The following MED13L variants were observed in gnomAD, a reference collection of about 807,000 sequenced individuals.
MED13L encodes mediator complex subunit 13L.
Under a neutral mutation model 220.9 loss-of-function variants are expected in MED13L, and 7 were observed. That is an observed-to-expected ratio of 0.03 (90% confidence interval 0.02 to 0.06). MED13L has a LOEUF of 0.06. Ranked by LOEUF, MED13L falls within the 10% of genes least tolerant of loss-of-function variation. The pLI, the probability that MED13L is intolerant of heterozygous loss-of-function variation, is 1.00. For synonymous variants in MED13L, 1,011 were observed against 1,015.2 expected, an observed-to-expected ratio of 1.00 and a Z score of 0.08; for missense variants, 1,965 against 2,760.5, an observed-to-expected ratio of 0.71 and a Z score of 6.46.
intron 4 of MED13L, among the ~76,000 whole-genome samples, chr12:116,073,942 A>G (rs1870583385): frequency 6.6e-6 from 1 of 152,214 alleles, no homozygotes; most frequent in Admixed American, 6.5e-5. Flanking sequence ...GAAGAATAAG[A>G]TGTATCACTG....
intron 2 of MED13L, among the ~76,000 whole-genome samples, chr12:116,183,907 T>G (rs1880710841): frequency 6.6e-6 from 1 of 152,026 alleles, no homozygotes; most frequent in African/African-American, 2.4e-5. Flanking sequence ...AATAGATGAC[T>G]GTCTTTGAGA....
intron 4 of MED13L, among the ~76,000 whole-genome samples, chr12:116,077,583 A>G (rs992330744): frequency 7.2e-5 from 11 of 152,246 alleles, no homozygotes; most frequent in African/African-American, 2.4e-4. Context: ...TACTATCTGC[A>G]TAAGAAAGGG....
chr12:116,021,047 A>G (rs188737059), intron 5 of MED13L, among the ~76,000 whole-genome samples: 61 of 152,240 alleles, frequency 4.0e-4, no homozygotes, highest in Admixed American at 1.8e-3. Flanking sequence ...TTTTTGCAAT[A>G]ATGCTTCCAG....
chr12:116,238,870 G>A (rs557700681), intron 1 of MED13L, among the ~76,000 whole-genome samples: 1 of 152,334 alleles, frequency 6.6e-6, no homozygotes, highest in South Asian at 2.1e-4. Context: ...GCCTAGGCGG[G>A]CAGATCATGA....
chr12:116,020,706 G>C (rs1880009258), intron 5 of MED13L, among the ~76,000 whole-genome samples: 1 of 152,114 alleles, frequency 6.6e-6, no homozygotes, highest in Non-Finnish European at 1.5e-5. Context: ...CATTTTCACT[G>C]AGTCAGACAC....
At position 116,277,236 on chromosome 12, in the gene MED13L, G is replaced by A; in HGVS notation, c.-105C>T. ...CCTCGCCGGGGAGCGCGGGGCGGCC[G>A]GGCCGCCGCCGCCGCCGGGGGAGGG... On this transcript the variant is annotated 5_prime_UTR_variant, in exon 1 of 31. Coordinates refer to ENST00000281928, the MANE Select transcript of MED13L (RefSeq NM_015335.5). The A allele has an allele frequency of 2.2e-6, 1 of 448,228 alleles. No homozygotes were observed. Among genetic ancestry groups the A allele is most frequent in the Non-Finnish European group, 2.6e-6 (1 of 381,090 alleles). The allele number at this position is 448,228 out of a possible 1,614,324, so 27.8% of individuals were successfully genotyped here.
At chr12:116,131,521 A>G (rs1876064569) in intron 2 of MED13L, among the ~76,000 whole-genome samples, 1 of 152,204 alleles carries the variant, frequency 6.6e-6, no homozygotes, top group Non-Finnish European at 1.5e-5. Context: ...CTCATCAAAT[A>G]AACTCTGCAT....
chr12:115,977,193 T>C (rs952269243), intron 23 of MED13L, among the ~76,000 whole-genome samples: 14 of 152,186 alleles, frequency 9.2e-5, no homozygotes, highest in African/African-American at 3.1e-4. Flanking sequence ...TAGCTGGTCA[T>C]TCAAGTACAG....
At chr12:116,135,095 G>T (rs966351837) in intron 2 of MED13L, among the ~76,000 whole-genome samples, 1 of 152,158 alleles carries the variant, frequency 6.6e-6, no homozygotes, top group Non-Finnish European at 1.5e-5. Context: ...CTTGAGCCTG[G>T]GAGGCAGAGG....
intron 4 of MED13L, among the ~76,000 whole-genome samples, chr12:116,043,110 T>C (rs1054550893): frequency 6.6e-6 from 1 of 152,186 alleles, no homozygotes; most frequent in African/African-American, 2.4e-5. Context: ...CATTCAGCTA[T>C]CCTGGAAGAA....
Position 116,019,418 on chromosome 12 carries a change from A to G in MED13L, c.821-6T>C. 1.2e-6 allele frequency: 2 copies of G among 1,613,542 alleles called. No individual in the cohort carries two copies. Among genetic ancestry groups the G allele is most frequent in the Non-Finnish European group, 1.7e-6 (2 of 1,179,526 alleles). ...GTAAACCATCCGAACACCACCTATAAGCAAAGAGAACAAGGAAAGAATCAG... is the reference window on the plus strand; with the variant it reads ...GTAAACCATCCGAACACCACCTATAGGCAAAGAGAACAAGGAAAGAATCAG... On this transcript the variant is annotated splice_region_variant and splice_polypyrimidine_tract_variant and intron_variant, in intron 6 of 30. Transcript: ENST00000281928.
At chr12:116,244,372 C>A (rs1593203104) in intron 1 of MED13L, among the ~76,000 whole-genome samples, 2 of 152,112 alleles carry the variant, frequency 1.3e-5, no homozygotes, top group South Asian at 4.1e-4. Flanking sequence ...TGTAAGACAT[C>A]AAGAAAAACA....
intron 2 of MED13L, among the ~76,000 whole-genome samples, chr12:116,170,175 A>G (rs1593124899): frequency 6.6e-6 from 1 of 152,342 alleles, no homozygotes; most frequent in East Asian, 1.9e-4. Flanking sequence ...ACATTTTACC[A>G]AACTCTATCA....
Position 115,991,809 on chromosome 12 carries a change from G to C in MED13L, c.3145C>G (p.Pro1049Ala). The change falls in exon 17 of 31, where the codon CCC becomes GCC. Residue 1049 changes from proline (P) to alanine (A), a missense_variant. This residue lies in a region of MED13L where 233 missense variants were observed against 306.2 expected (regional missense o/e 0.76). Coordinates refer to ENST00000281928, the MANE Select transcript of MED13L (RefSeq NM_015335.5). This position sits in a 1 kb window ranked among gnomAD's most constrained non-coding sequence, Gnocchi z 7.7. The part of the protein sequence containing the change: ...PSPATPRFSV[P>A]TPRTPRTPRT... ...GGGGTCCTGGGGGTTCGTGGTGTGG[G>C]GACAGAGAAGCGAGGGGTTGCTGGA... is the stretch of plus-strand genomic sequence containing the variant. The C allele has an allele frequency of 1.2e-6, 2 of 1,613,560 alleles. No individual in the cohort carries two copies. Among genetic ancestry groups the C allele is most frequent in the East Asian group, 2.2e-5 (1 of 44,862 alleles).
chr12:116,005,853 G>C lies in MED13L; in HGVS notation c.2469+16C>G. 3.1e-6 allele frequency: 5 copies of C among 1,613,588 alleles called. No individual in the cohort carries two copies. The highest frequency in any genetic ancestry group is 4.2e-6 in the Non-Finnish European group (5 of 1,179,612). On this transcript the variant is annotated intron_variant, in intron 13 of 30. Transcript: ENST00000281928. ...ATGTAGCGAAATTTTTGTTTATGTA[G>C]CTACGGCAAACTCACCCCAAGTTCG...
intron 4 of MED13L, among the ~76,000 whole-genome samples, chr12:116,059,016 T>C (rs2137623298): frequency 6.6e-6 from 1 of 152,228 alleles, no homozygotes; most frequent in East Asian, 1.9e-4. Flanking sequence ...TGATATGTAA[T>C]AGATTTAATG....
chr12:116,255,227 C>G (rs571235483), intron 1 of MED13L, among the ~76,000 whole-genome samples: 1 of 152,212 alleles, frequency 6.6e-6, no homozygotes, highest in East Asian at 1.9e-4. Context: ...CAGAAAAAAG[C>G]AATGCACACA....
In MED13L at chr12:115,983,227, G is replaced by A; in HGVS notation, c.4845C>T (p.Asn1615=). ...SGFSGSVGGQ[N]PSTGGISADR... ...CCGCAGAAATGCCCCCAGTGCTGGG[G>A]TTCTGCCCTCCAACACTACCACTGA... The change falls in exon 21 of 31, where the codon AAC becomes AAT. Residue 1615 remains asparagine, a synonymous_variant. Coordinates refer to ENST00000281928, the MANE Select transcript of MED13L (RefSeq NM_015335.5). 1 of 1,614,138 alleles carries A rather than the reference G, an allele frequency of 6.2e-7. No homozygotes were observed.
intron 2 of MED13L, among the ~76,000 whole-genome samples, chr12:116,134,536 T>C (rs1247850309): frequency 6.6e-6 from 1 of 152,218 alleles, no homozygotes; most frequent in Non-Finnish European, 1.5e-5. Flanking sequence ...TATGATATCT[T>C]AGGCACTATT....
Sources: allele counts gnomAD v4.1 joint callset (sites outside exome capture counted in the v4.1 genomes callset), GRCh38; gene constraint gnomAD v4.1.1; regional missense constraint gnomAD v4.1.1; non-coding constraint Gnocchi (gnomAD v3.1); transcripts MANE v1.5; gene names NCBI Gene and HGNC (gene_info 2026-07-23, HGNC 2026-07-21).